SHANK2: variants seen among roughly 807,000 people sequenced by gnomAD.
The protein encoded by SHANK2 is SH3 and multiple ankyrin repeat domains 2, also known as SH3 and multiple ankyrin repeat domains protein 2.
A neutral mutation model predicts 133.7 loss-of-function variants in SHANK2; 43 were observed. The ratio of observed to expected loss-of-function variants is 0.32; its 90% CI spans 0.25 to 0.41. SHANK2 has a LOEUF of 0.41. Among genes scored for constraint, SHANK2 ranks in the 10% least tolerant of loss-of-function variants. The probability of loss-of-function intolerance (pLI) is 1.00; values close to 1 mark genes in which losing one functional copy is unlikely to be tolerated. For missense variants in SHANK2, 1,994 were observed against 2,235.8 expected, an observed-to-expected ratio of 0.89 and a Z score of 2.18; for synonymous variants, 1,017 against 952.8, an observed-to-expected ratio of 1.07 and a Z score of -1.24.
rs76137199 is a variant in SHANK2, at chr11:70,492,344, T to C, written c.2430A>G (p.Ser810=). ...RPSSRCFPAG[S]DMNSVYERQG... is the part of the protein sequence containing the mutation. ...AGGTACGGCCACTCACGTTCATGTC[T>C]GAGCCCGCCGGGAAGCACCGGCTGC... Residue 810 remains serine, a synonymous_variant, in exon 22 of 26, where the codon TCA becomes TCG. Transcript: ENST00000601538. 2.5e-5 allele frequency: 40 copies of C among 1,611,634 alleles called. No individual in the cohort carries two copies. In the African/African-American group the frequency reaches 4.9e-4, roughly 20 times the overall value.
intron 14 of SHANK2, among the ~76,000 whole-genome samples, chr11:70,716,624 G>T (rs558553810): frequency 3.3e-5 from 5 of 152,012 alleles, no homozygotes; most frequent in African/African-American, 1.2e-4. Flanking sequence ...CCCGCCCTCC[G>T]CCCCTGGCCG....
chr11:70,797,832 T>TACACACAC (rs368707688), intron 14 of SHANK2, among the ~76,000 whole-genome samples: 9,681 of 141,936 alleles, frequency 0.068, 513 homozygotes, highest in African/African-American at 0.14. Context: ...TCCACTCTCA[T>TACACACAC]ACACACACAC....
In SHANK2 at chr11:70,569,166, G is replaced by A. The variant is rs2136169467; in HGVS notation, c.2062-66235C>T. 6.6e-6 allele frequency among the ~76,000 whole-genome samples: 1 copy of A among 152,330 alleles called. No individual in the cohort carries two copies. The highest frequency in any genetic ancestry group is 6.5e-5 in the Admixed American group (1 of 15,304). The stretch of plus-strand genomic sequence containing the variant: ...CTGAACCACCTCAGTCCCACAGAGA[G>A]GGGGATCCTCTGTCCTCTCAGGGCC... On this transcript the variant is annotated intron_variant, in intron 17 of 25. Coordinates refer to ENST00000601538, the MANE Select transcript of SHANK2 (RefSeq NM_012309.5). This position sits in a 1 kb window ranked among gnomAD's most constrained non-coding sequence, Gnocchi z 5.1.
intron 17 of SHANK2, among the ~76,000 whole-genome samples, chr11:70,624,572 T>C (rs940781179): frequency 1.1e-4 from 17 of 150,732 alleles, no homozygotes; most frequent in Non-Finnish European, 1.3e-4. Flanking sequence ...CGTCTTTCCC[T>C]TAAGGCAGCA....
intron 12 of SHANK2, among the ~76,000 whole-genome samples, chr11:70,814,278 C>T (rs1286437902): frequency 6.6e-6 from 1 of 151,288 alleles, no homozygotes; most frequent in Non-Finnish European, 1.5e-5. Context: ...GAGTCAAGAT[C>T]GTGACACTGC....
chr11:71,114,665 G>T (rs868957204), intron 4 of SHANK2, among the ~76,000 whole-genome samples: 4 of 152,110 alleles, frequency 2.6e-5, no homozygotes, highest in Non-Finnish European at 5.9e-5. Flanking sequence ...CAGGCAGGAG[G>T]AGCTACAGGC....
chr11:71,087,258 C>G (rs1373594602), intron 8 of SHANK2, among the ~76,000 whole-genome samples: 1 of 152,178 alleles, frequency 6.6e-6, no homozygotes, highest in Admixed American at 6.5e-5. Flanking sequence ...CAGCCTCCAC[C>G]GTTACCTCCA....
chr11:70,636,527 ATG>A (rs1252595052), intron 17 of SHANK2, among the ~76,000 whole-genome samples: 1 of 124,682 alleles, frequency 8.0e-6, no homozygotes, highest in African/African-American at 3.3e-5. Context: ...ATGTGTGAAT[ATG>A]TGTGAGCATG....
At chr11:71,070,484 T>G (rs1429901741) in intron 9 of SHANK2, among the ~76,000 whole-genome samples, 2 of 151,706 alleles carry the variant, frequency 1.3e-5, no homozygotes, top group Non-Finnish European at 2.9e-5. Flanking sequence ...CAGGCAGGAG[T>G]TGGAACAGCT....
intron 17 of SHANK2, among the ~76,000 whole-genome samples, chr11:70,573,350 G>A (rs2060073334): frequency 6.8e-6 from 1 of 147,694 alleles, no homozygotes; most frequent in African/African-American, 2.5e-5. Flanking sequence ...GGAGCAAGCC[G>A]GCTGGTGGAT....
chr11:70,626,481 C>A (rs1247745080), intron 17 of SHANK2, among the ~76,000 whole-genome samples: 1 of 152,134 alleles, frequency 6.6e-6, no homozygotes, highest in South Asian at 2.1e-4. Context: ...AGTTCGACAA[C>A]CCCCAGGTGG....
chr11:70,716,904 C>G (rs1212773757), intron 14 of SHANK2, among the ~76,000 whole-genome samples: 1 of 150,938 alleles, frequency 6.6e-6, no homozygotes, highest in Non-Finnish European at 1.5e-5. Context: ...AGCCCCCCCC[C>G]CGCCCAACTG....
rs1343338596 is a variant in SHANK2, at chr11:70,470,333, T to C, written c.*2536A>G. ...CAGCTTGCTTGTGGTTAGTGGCATG[T>C]GGCTTGGAGTATCTTTAAGAAAGGG... On this transcript the variant is annotated 3_prime_UTR_variant, in exon 26 of 26. Coordinates refer to ENST00000601538, the MANE Select transcript of SHANK2 (RefSeq NM_012309.5). 1.3e-5 allele frequency: 2 copies of C among 152,254 alleles called. No homozygotes were observed. The highest frequency in any genetic ancestry group is 2.9e-5 in the Non-Finnish European group (2 of 68,046). 9.4% of individuals were successfully genotyped at this position (152,254 alleles called of 1,614,324 possible). A position where few individuals can be genotyped will look rare whatever the true frequency, so the allele number is the denominator to read the frequency against.
intron 3 of SHANK2, among the ~76,000 whole-genome samples, chr11:71,138,258 G>A (rs1207221097): frequency 1.3e-5 from 2 of 152,322 alleles, no homozygotes; most frequent in African/African-American, 2.4e-5. Context: ...CACAATGGCC[G>A]GGCGCCTCAT....
Position 70,804,116 on chromosome 11 carries a change from G to A in SHANK2, c.1663+2886C>T, listed in dbSNP as rs1480526812. On this transcript the variant is annotated intron_variant, in intron 13 of 25. Coordinates refer to ENST00000601538, the MANE Select transcript of SHANK2 (RefSeq NM_012309.5). This position sits in a 1 kb window ranked among gnomAD's most constrained non-coding sequence, Gnocchi z 4.1. ...ACTTCCACTGCAAAAAATGAGTTTG[G>A]TTTCTCTGGAAACCCTCCCAGACCT... Among the ~76,000 whole-genome samples the A allele has an allele frequency of 6.6e-6, 1 of 152,110 alleles. No individual in the cohort carries two copies. Among genetic ancestry groups the A allele is most frequent in the Admixed American group, 6.5e-5 (1 of 15,282 alleles).
chr11:70,825,179 T>G (rs757878577), intron 11 of SHANK2, among the ~76,000 whole-genome samples: 5 of 152,118 alleles, frequency 3.3e-5, no homozygotes, highest in Admixed American at 6.5e-5. Context: ...TGATGGCATT[T>G]GGGGGAGTCC....
chr11:70,647,606 G>T (rs1431463856), intron 17 of SHANK2: 2 of 152,244 alleles, frequency 1.3e-5, no homozygotes, highest in Non-Finnish European at 2.9e-5. Context: ...CAAAAACGGT[G>T]CTGGCACACA....
At chr11:71,115,701 G>A (rs782656269) in intron 4 of SHANK2, among the ~76,000 whole-genome samples, 3 of 152,090 alleles carry the variant, frequency 2.0e-5, no homozygotes, top group African/African-American at 4.8e-5. Context: ...TGGCTGGCTC[G>A]AGGTTGCACA....
intron 17 of SHANK2, among the ~76,000 whole-genome samples, chr11:70,546,915 C>T (rs1371105862): frequency 2.0e-5 from 3 of 152,216 alleles, no homozygotes; most frequent in Admixed American, 2.0e-4. Flanking sequence ...CCCTGGACTT[C>T]TCCTGAGTCC....
Sources: gnomAD v4.1 joint callset for allele counts (sites outside exome capture counted in the v4.1 genomes callset) on GRCh38, gnomAD v4.1.1 for gene constraint, Gnocchi (gnomAD v3.1) non-coding constraint, MANE v1.5 for transcripts, NCBI Gene and HGNC (gene_info 2026-07-23, HGNC 2026-07-21) for gene names.